Variants in ADGRL2 observed in about 807,000 individuals in gnomAD.
ADGRL2 encodes calcium-independent alpha-latrotoxin receptor 2.
ADGRL2 carries 44 observed loss-of-function variants against 157.4 expected under a neutral mutation model. That is an observed-to-expected ratio of 0.28 (90% CI 0.22 to 0.36). The LOEUF is 0.36. ADGRL2 is among the 10% of genes least tolerant of loss of function. The probability of loss-of-function intolerance (pLI) is 1.00; values close to 1 mark genes in which losing one functional copy is unlikely to be tolerated. For synonymous variants in ADGRL2, 585 were observed against 624.7 expected, an observed-to-expected ratio of 0.94 and a Z score of 0.95; for missense variants, 1,510 against 1,768.9, an observed-to-expected ratio of 0.85 and a Z score of 2.63.
chr1:81,945,256 ATAG>A (rs1649427170), intron 6 of ADGRL2, among the ~76,000 whole-genome samples: 3 of 151,984 alleles, frequency 2.0e-5, no homozygotes, highest in African/African-American at 7.2e-5. Flanking sequence ...TCTTTATCCT[ATAG>A]GTTTGTCAAA....
intron 2 of ADGRL2, among the ~76,000 whole-genome samples, chr1:81,768,929 A>G (rs1038885328): frequency 6.6e-6 from 1 of 152,102 alleles, no homozygotes; most frequent in Non-Finnish European, 1.5e-5. Context: ...AAAAAAAAAT[A>G]CAAAAATTAG....
chr1:81,528,129 A>T (rs189383265), intron 2 of ADGRL2, among the ~76,000 whole-genome samples: 4 of 152,296 alleles, frequency 2.6e-5, no homozygotes. Flanking sequence ...TTACCAGACA[A>T]CAAATTCGCT....
chr1:81,667,245 G>T (rs145443793), intron 3 of ADGRL2, among the ~76,000 whole-genome samples: 43 of 152,254 alleles, frequency 2.8e-4, no homozygotes, highest in Non-Finnish European at 3.5e-4. Context: ...TCAGACAGGA[G>T]TTATTTAATG....
chr1:81,858,585 T>G (rs2093283845), intron 2 of ADGRL2, among the ~76,000 whole-genome samples: 1 of 152,154 alleles, frequency 6.6e-6, no homozygotes, highest in Non-Finnish European at 1.5e-5. Context: ...TGACACATCC[T>G]TACCTCTTTA....
intron 3 of ADGRL2, among the ~76,000 whole-genome samples, chr1:81,626,644 ACG>A (rs2081916609): frequency 6.6e-6 from 1 of 152,228 alleles, no homozygotes; most frequent in African/African-American, 2.4e-5. Flanking sequence ...GTAAAAACAC[ACG>A]CGGGCAGTTT....
At chr1:81,917,391 A>G (rs954117877) in intron 3 of ADGRL2, among the ~76,000 whole-genome samples, 1 of 152,032 alleles carries the variant, frequency 6.6e-6, no homozygotes, top group African/African-American at 2.4e-5. Context: ...TTTCTTTGCT[A>G]TGTATTTTCT....
chr1:81,834,698 C>CT (rs201266082), intron 1 of ADGRL2, among the ~76,000 whole-genome samples: 38 of 148,280 alleles, frequency 2.6e-4, no homozygotes, highest in Middle Eastern at 3.4e-3. Flanking sequence ...ATAAATTTGA[C>CT]TTTTTTTTTT....
chr1:81,320,901 G>A (rs922779525), intron 1 of ADGRL2, among the ~76,000 whole-genome samples: 3 of 152,218 alleles, frequency 2.0e-5, no homozygotes, highest in African/African-American at 4.8e-5. Context: ...AAGTCATCCT[G>A]TTCTCTGAAG....
intron 2 of ADGRL2, among the ~76,000 whole-genome samples, chr1:81,875,860 T>C (rs1418852999): frequency 6.6e-6 from 1 of 152,162 alleles, no homozygotes; most frequent in Non-Finnish European, 1.5e-5. Flanking sequence ...TTCCACCCCG[T>C]CTCTCTAATG....
At chr1:81,831,379 C>T (rs1244047581) in intron 1 of ADGRL2, among the ~76,000 whole-genome samples, 1 of 152,092 alleles carries the variant, frequency 6.6e-6, no homozygotes, top group Admixed American at 6.6e-5. Flanking sequence ...ATGTTTAGCT[C>T]ATGTAAACAT....
chr1:81,309,535 A>C (rs547526316), intron 1 of ADGRL2, among the ~76,000 whole-genome samples: 1 of 152,096 alleles, frequency 6.6e-6, no homozygotes, highest in Non-Finnish European at 1.5e-5. Context: ...TCCACCCCCC[A>C]CAAATAGCAA....
chr1:81,802,394 C>T (rs1379940647), intron 1 of ADGRL2, among the ~76,000 whole-genome samples: 2 of 151,910 alleles, frequency 1.3e-5, no homozygotes, highest in Non-Finnish European at 2.9e-5. Context: ...CGCGCTCGCT[C>T]GGGCTGCTCG....
At chr1:81,394,125 C>T (rs1239277953) in intron 1 of ADGRL2, among the ~76,000 whole-genome samples, 1 of 151,974 alleles carries the variant, frequency 6.6e-6, no homozygotes, top group Non-Finnish European at 1.5e-5. Flanking sequence ...TACACTTTCT[C>T]CTATCAAAAA....
chr1:81,575,134 T>G lies in ADGRL2; in HGVS notation c.-247-5742T>G, dbSNP rs535424316. ...ACACATACTCAATGGCAAAGTGTGT[T>G]TTCTTATTTCTGTCAATTCTAGTAA... On this transcript the variant is annotated intron_variant, in intron 2 of 24. Coordinates refer to the ADGRL2 transcript ENST00000370721. Among the ~76,000 whole-genome samples, 3 of 152,332 alleles carry G rather than the reference T, an allele frequency of 2.0e-5. No individual in the cohort carries two copies. The South Asian group carries it at 6.2e-4, about 32-fold the overall frequency.
At chr1:81,485,426 A>G (rs377161575) in intron 2 of ADGRL2, among the ~76,000 whole-genome samples, 1 of 152,148 alleles carries the variant, frequency 6.6e-6, no homozygotes, top group African/African-American at 2.4e-5. Flanking sequence ...TTTCTGTCAC[A>G]TATTATAATT....
At chr1:81,773,726 CTA>C in intron 2 of ADGRL2, among the ~76,000 whole-genome samples, 1 of 152,256 alleles carries the variant, frequency 6.6e-6, no homozygotes, top group African/African-American at 2.4e-5. Flanking sequence ...GCATTTTACT[CTA>C]TGTTAGGTAC....
intron 3 of ADGRL2, among the ~76,000 whole-genome samples, chr1:81,597,184 G>T (rs757190803): frequency 6.6e-6 from 1 of 152,112 alleles, no homozygotes; most frequent in African/African-American, 2.4e-5. Context: ...TGGGGGAGAG[G>T]ATTATGTGGG....
At chr1:81,584,143 C>A (rs897299508) in intron 3 of ADGRL2, among the ~76,000 whole-genome samples, 2 of 152,242 alleles carry the variant, frequency 1.3e-5, no homozygotes, top group Non-Finnish European at 2.9e-5. Flanking sequence ...TGCAGCAGGG[C>A]CATTCGTGAC....
At chr1:81,417,896 A>T (rs906541018) in intron 1 of ADGRL2, among the ~76,000 whole-genome samples, 3 of 152,190 alleles carry the variant, frequency 2.0e-5, no homozygotes, top group Admixed American at 6.5e-5. Flanking sequence ...CACCACCTCC[A>T]GTCAAATGTG....
Sources: gnomAD v4.1 joint callset for allele counts (sites outside exome capture counted in the v4.1 genomes callset) on GRCh38, gnomAD v4.1.1 for gene constraint, MANE v1.5 for transcripts, NCBI Gene and HGNC (gene_info 2026-07-23, HGNC 2026-07-21) for gene names.